TNKS: variants seen among roughly 807,000 people sequenced by gnomAD.
The protein encoded by TNKS is tankyrase.
TNKS carries 72 observed loss-of-function variants against 135.8 expected under a neutral mutation model. The observed-to-expected ratio is 0.53, with a 90% confidence interval of 0.44 to 0.64. The LOEUF (loss-of-function observed/expected upper bound fraction) is 0.64. Ranked by LOEUF, TNKS falls within the 30% of genes least tolerant of loss-of-function variation. The pLI is 0.00. For synonymous variants in TNKS, 849 were observed against 649.3 expected, an observed-to-expected ratio of 1.31 and a Z score of -4.68; for missense variants, 1,769 against 1,674.0, an observed-to-expected ratio of 1.06 and a Z score of -0.99.
Position 9,670,674 on chromosome 8 carries a change from T to G in TNKS, c.995-9277T>G, listed in dbSNP as rs183266509. On this transcript the variant is annotated intron_variant, in intron 3 of 26. Transcript: ENST00000310430. The stretch of plus-strand genomic sequence containing the variant: ...TATATATAATTTTCAGTTGGTGGTG[T>G]TAGCTTTTGTTAGGTGAGAACTCAG... The G allele has an allele frequency of 2.8e-3, 431 of 152,268 alleles. 1 individual carries two copies. The highest frequency in any genetic ancestry group is 9.0e-3 in the African/African-American group (375 of 41,552). The allele number at this position is 152,268 out of a possible 1,614,324, so 9.4% of individuals were successfully genotyped here.
Position 9,730,984 on chromosome 8 carries a change from T to C in TNKS, c.2096T>C (p.Val699Ala). The C allele has an allele frequency of 6.2e-7, 1 of 1,614,000 alleles. No homozygotes were observed. The highest frequency in any genetic ancestry group is 8.5e-7 in the Non-Finnish European group (1 of 1,179,912). Residue 699 changes from valine to alanine, a missense_variant, in exon 14 of 27, where the codon GTT becomes GCT. By Grantham distance (64) the Val-to-Ala change is moderately conservative. This residue lies in a region of TNKS where 69 missense variants were observed against 120.3 expected (regional missense o/e 0.57). Coordinates refer to ENST00000310430, the MANE Select transcript of TNKS (RefSeq NM_003747.3). ...GCAGCAGGCTACAACCGCGTGTCTG[T>C]TGTAGAGTACCTGCTACACCACGGT... is the stretch of plus-strand genomic sequence containing the variant. Reference protein sequence around the residue: ...HFAAGYNRVSVVEYLLHHGAD... With the variant: ...HFAAGYNRVSAVEYLLHHGAD...
At chr8:9,692,672 T>C (rs577329448) in intron 5 of TNKS, among the ~76,000 whole-genome samples, 10 of 152,254 alleles carry the variant, frequency 6.6e-5, no homozygotes, top group African/African-American at 2.4e-4. Flanking sequence ...AAGAGACAAA[T>C]TGGAGGAGTC....
intron 3 of TNKS, among the ~76,000 whole-genome samples, chr8:9,626,460 A>T (rs1458642742): frequency 6.6e-6 from 1 of 152,230 alleles, no homozygotes; most frequent in African/African-American, 2.4e-5. Flanking sequence ...TACTAAGTTT[A>T]TGATAATTTA....
At chr8:9,659,982 T>C (rs1274047661) in intron 3 of TNKS, among the ~76,000 whole-genome samples, 1 of 152,010 alleles carries the variant, frequency 6.6e-6, no homozygotes, top group African/African-American at 2.4e-5. Flanking sequence ...AACTAGAAAA[T>C]CTAGAAGAAA....
At position 9,763,174 on chromosome 8, in the gene TNKS, G is replaced by C; in HGVS notation, c.3302G>C (p.Cys1101Ser). The C allele has an allele frequency of 6.3e-7, 1 of 1,596,158 alleles. No individual in the cohort carries two copies. The highest frequency in any genetic ancestry group is 8.5e-7 in the Non-Finnish European group (1 of 1,171,466). The stretch of plus-strand genomic sequence containing the variant: ...ACCAATCCTTATTTGACTTTTCACT[G>C]TGTTAATCAGGGAACGATTTTGCTG... ...QGTNPYLTFHCVNQGTILLDL... is the reference protein window; with the variant it reads ...QGTNPYLTFHSVNQGTILLDL... The change falls in exon 22 of 27, where the codon TGT becomes TCT. Residue 1101 changes from cysteine to serine, a missense_variant. Physicochemically the swap from Cys to Ser is moderately radical, Grantham distance 112. Coordinates refer to ENST00000310430, the MANE Select transcript of TNKS (RefSeq NM_003747.3).
intron 3 of TNKS, among the ~76,000 whole-genome samples, chr8:9,620,243 G>A (rs760729940): frequency 3.3e-5 from 5 of 152,090 alleles, no homozygotes; most frequent in African/African-American, 9.7e-5. Flanking sequence ...CACCGTGCCC[G>A]GCCGGGACTC....
rs772859840 is a variant in TNKS, at chr8:9,780,061, A to G, written c.*3325A>G. On this transcript the variant is annotated 3_prime_UTR_variant, in exon 27 of 27. Coordinates refer to ENST00000310430, the MANE Select transcript of TNKS (RefSeq NM_003747.3). Reference sequence around the variant, plus strand: ...AGCAAATAATGTAGATTAACATTCTATTATTGTATCCGTTTTACAAAAAAT... The same window carrying G: ...AGCAAATAATGTAGATTAACATTCTGTTATTGTATCCGTTTTACAAAAAAT... 3.3e-5 allele frequency: 5 copies of G among 152,228 alleles called. No individual in the cohort carries two copies. Among genetic ancestry groups the G allele is most frequent in the Non-Finnish European group, 7.3e-5 (5 of 68,036 alleles). The allele number at this position is 152,228 out of a possible 1,614,324, so 9.4% of individuals were successfully genotyped here.
At chr8:9,631,789 T>G (rs974070149) in intron 3 of TNKS, among the ~76,000 whole-genome samples, 1 of 151,670 alleles carries the variant, frequency 6.6e-6, no homozygotes, top group Non-Finnish European at 1.5e-5. Context: ...AGAAAAAGTG[T>G]CAAGTTTTTA....
At chr8:9,691,322 G>A (rs1347727036) in intron 5 of TNKS, among the ~76,000 whole-genome samples, 6 of 152,148 alleles carry the variant, frequency 3.9e-5, no homozygotes, top group Admixed American at 6.5e-5. Context: ...TTATGAAGGA[G>A]TTCCACATTT....
chr8:9,620,204 C>T (rs140197251), intron 3 of TNKS, among the ~76,000 whole-genome samples: 1 of 152,186 alleles, frequency 6.6e-6, no homozygotes, highest in Non-Finnish European at 1.5e-5. Flanking sequence ...GCCTTGGCCT[C>T]CCAAAGTGCC....
At chr8:9,730,001 T>C (rs377687894) in intron 13 of TNKS, among the ~76,000 whole-genome samples, 2 of 152,244 alleles carry the variant, frequency 1.3e-5, no homozygotes, top group South Asian at 4.1e-4. Context: ...GGTCTCGATC[T>C]CTTGACCTCG....
intron 20 of TNKS, among the ~76,000 whole-genome samples, chr8:9,754,325 C>T (rs1806722416): frequency 1.3e-5 from 2 of 152,166 alleles, no homozygotes; most frequent in Admixed American, 1.3e-4. Flanking sequence ...ACATCTTCCC[C>T]TATTTTAGAA....
intron 21 of TNKS, among the ~76,000 whole-genome samples, chr8:9,761,892 G>C (rs1030413802): frequency 1.3e-5 from 2 of 152,138 alleles, no homozygotes; most frequent in African/African-American, 4.8e-5. Flanking sequence ...TCCCATGACT[G>C]TCACTTGATC....
intron 5 of TNKS, among the ~76,000 whole-genome samples, chr8:9,684,293 C>T (rs896789744): frequency 2.0e-4 from 31 of 151,998 alleles, no homozygotes; most frequent in Non-Finnish European, 3.5e-4. Context: ...AGCTATTATC[C>T]ACATGTTCTG....
chr8:9,598,899 G>A (rs951835672), intron 2 of TNKS, among the ~76,000 whole-genome samples: 1 of 147,940 alleles, frequency 6.8e-6, no homozygotes, highest in Non-Finnish European at 1.5e-5. Context: ...TGAGAGAGAG[G>A]AAGTAGAGTT....
chr8:9,726,930 A>G (rs1439132984), intron 13 of TNKS, among the ~76,000 whole-genome samples: 1 of 152,172 alleles, frequency 6.6e-6, no homozygotes, highest in Non-Finnish European at 1.5e-5. Flanking sequence ...GTGTATGTAT[A>G]TAGGTAGATA....
chr8:9,726,145 C>A (rs1805149183), intron 12 of TNKS, among the ~76,000 whole-genome samples: 2 of 152,152 alleles, frequency 1.3e-5, no homozygotes, highest in Admixed American at 1.3e-4. Context: ...AATCCCAGCA[C>A]TTTGGGAGGC....
At chr8:9,735,217 A>G (rs368405734) in intron 16 of TNKS, 133 bp downstream of exon 16, 3 of 1,114,210 alleles carry the variant, frequency 2.7e-6, no homozygotes, top group South Asian at 1.6e-5. Flanking sequence ...ATAGTTTTGT[A>G]TAATTTCTTA....
At chr8:9,563,476 G>C (rs1797414457) in intron 1 of TNKS, among the ~76,000 whole-genome samples, 1 of 152,228 alleles carries the variant, frequency 6.6e-6, no homozygotes, top group South Asian at 2.1e-4. Context: ...GTAAATGAAT[G>C]AGTGTGATTG....
Sources: gnomAD v4.1 joint callset for allele counts (sites outside exome capture counted in the v4.1 genomes callset) on GRCh38, gnomAD v4.1.1 for gene constraint, gnomAD v4.1.1 regional missense constraint, MANE v1.5 for transcripts, NCBI Gene and HGNC (gene_info 2026-07-23, HGNC 2026-07-21) for gene names.